The following GRHPR variants were observed in gnomAD, a reference collection of about 807,000 sequenced individuals.
GRHPR encodes glyoxylate and hydroxypyruvate reductase, also known as glyoxylate reductase/hydroxypyruvate reductase.
A neutral mutation model predicts 36.8 loss-of-function variants in GRHPR; 35 were observed. That is an observed-to-expected ratio of 0.95 (90% CI 0.73 to 1.26). The LOEUF (loss-of-function observed/expected upper bound fraction) is 1.26. Ranked by LOEUF, GRHPR falls within the 50% of genes most tolerant of loss-of-function variation. The pLI is 0.00. For missense variants in GRHPR, 380 were observed against 435.0 expected (o/e 0.87, Z 1.12); for synonymous variants, 179 against 181.0 (o/e 0.99, Z 0.09).
At chr9:37,438,785 A>G (rs1206262006), downstream of GRHPR, 1 of 152,258 alleles carries the variant, frequency 6.6e-6, no homozygotes, top group African/African-American at 2.4e-5. Context: ...AGCCACACAC[A>G]CAACTGAATT....
upstream of GRHPR, chr9:37,422,618 G>T: frequency 1.4e-6 from 1 of 739,352 alleles, no homozygotes; most frequent in Non-Finnish European, 2.4e-6. Context: ...GCTCCCTCTC[G>T]CGAAGCCACA....
rs764762587 is a variant in GRHPR at position 37,436,712 on chromosome 9, C to G, written c.917C>G (p.Ser306Cys). The G allele has an allele frequency of 6.2e-7, 1 of 1,614,006 alleles. No homozygotes were observed. The highest frequency in any genetic ancestry group is 8.5e-7 in the Non-Finnish European group (1 of 1,179,900). Residue 306 changes from serine (S) to cysteine (C), a missense_variant, in exon 9 of 9, where the codon TCC becomes TGC. Coordinates refer to ENST00000318158, the MANE Select transcript of GRHPR (RefSeq NM_012203.2). The part of the protein sequence containing the change: ...SATHRTRNTM[S>C]LLAANNLLAG... The stretch of plus-strand genomic sequence containing the variant: ...ACCCACAGAACCCGCAACACCATGT[C>G]CTTGTTGGCAGCTAACAACTTGCTG...
chr9:37,425,941 C>G lies in GRHPR; in HGVS notation c.234C>G (p.Ile78Met). The G allele has an allele frequency of 6.2e-7, 1 of 1,613,508 alleles. No individual in the cohort carries two copies. Among genetic ancestry groups the G allele is most frequent in the Non-Finnish European group, 8.5e-7 (1 of 1,179,408 alleles). ...CAACAGGGGCCAATCTCAAAGTCAT[C>G]AGCACCATGTCTGTGGGCATCGACC... is the stretch of plus-strand genomic sequence containing the variant. ...LDAAGANLKV[I>M]STMSVGIDHL... is the part of the protein sequence containing the mutation. The change falls in exon 3 of 9, where the codon ATC becomes ATG. Residue 78 changes from isoleucine (I) to methionine (M), a missense_variant. Physicochemically the swap from Ile to Met is conservative, Grantham distance 10. Transcript: ENST00000318158.
At chr9:37,437,090 G>A (rs1823708282), downstream of GRHPR, 1 of 376,872 alleles carries the variant, frequency 2.7e-6, no homozygotes, top group South Asian at 2.2e-5. Flanking sequence ...TGAGCGGGAA[G>A]GATCCTTTGA....
intron 5 of GRHPR, 51 bp downstream of exon 5, chr9:37,428,623 T>G: frequency 8.2e-7 from 1 of 1,216,684 alleles, no homozygotes; most frequent in African/African-American, 1.5e-5. Flanking sequence ...CAGCGTGGTT[T>G]GCATCCCTGG....
downstream of GRHPR, among the ~76,000 whole-genome samples, chr9:37,437,628 A>G (rs1273179689): frequency 6.6e-6 from 1 of 151,986 alleles, no homozygotes; most frequent in Admixed American, 6.6e-5. Context: ...TTCAGCACCT[A>G]CACATATTGT....
Position 37,432,039 on chromosome 9 carries a change from C to T in GRHPR, c.766C>T (p.Gln256Ter), listed in dbSNP as rs775530794. The T allele has an allele frequency of 6.2e-7, 1 of 1,614,160 alleles. No homozygotes were observed. The highest frequency in any genetic ancestry group is 1.1e-5 in the South Asian group (1 of 91,078). The change falls in exon 8 of 9, where the codon CAG becomes TAG. Residue 256 changes from glutamine (Q) to a stop codon, truncating the protein, a stop_gained. Transcript: ENST00000318158. LOFTEE classifies it high-confidence loss of function. ...GDVVNQDDLY[Q>*]ALASGKIAAA... ...CGTCGTAAACCAGGACGACCTGTAC[C>T]AGGCCTTGGCCAGTGGTAAGATTGC...
intron 6 of GRHPR, 31 bp downstream of exon 6, chr9:37,429,867 T>C (rs936589520): frequency 6.3e-6 from 8 of 1,263,014 alleles, no homozygotes; most frequent in East Asian, 2.3e-5. Flanking sequence ...CACAGGAGCC[T>C]ATCTGTGCCC....
chr9:37,438,525 T>A (rs1823772921), downstream of GRHPR: 1 of 152,188 alleles, frequency 6.6e-6, no homozygotes. Context: ...AAAAGCAAAG[T>A]CCACTTATGC....
Position 37,425,963 on chromosome 9 carries a change from G to C in GRHPR, c.256G>C (p.Asp86His). 2 of 1,613,650 alleles carry C rather than the reference G, an allele frequency of 1.2e-6. No individual in the cohort carries two copies. The highest frequency in any genetic ancestry group is 1.7e-6 in the Non-Finnish European group (2 of 1,179,532). ...CATCAGCACCATGTCTGTGGGCATC[G>C]ACCACTTGGCTTTGGATGAAATCAA... ...KVISTMSVGI[D>H]HLALDEIKKR... The change falls in exon 3 of 9, where the codon GAC (aspartate) becomes CAC (histidine). Residue 86 changes from aspartate (D) to histidine (H), a missense_variant. Coordinates refer to ENST00000318158, the MANE Select transcript of GRHPR (RefSeq NM_012203.2).
chr9:37,426,130 T>C lies in GRHPR; in HGVS notation c.287+136T>C. Reference sequence around the variant, plus strand: ...GTGAGGTGGCTGATGATAGAATCTGTCCACATGTGCACAGGTCAGTTACAA... The same window carrying C: ...GTGAGGTGGCTGATGATAGAATCTGCCCACATGTGCACAGGTCAGTTACAA... On this transcript the variant is annotated intron_variant, in intron 3 of 8. Transcript: ENST00000318158. 4.2e-6 allele frequency: 3 copies of C among 712,296 alleles called. No homozygotes were observed. The East Asian group carries it at 7.8e-5, about 19-fold the overall frequency. 44.1% of individuals were successfully genotyped at this position (712,296 alleles called of 1,614,324 possible).
Position 37,436,968 on chromosome 9 carries a change from T to TATTA in GRHPR, c.*187_*190dup, listed in dbSNP as rs535077257. The TATTA allele has an allele frequency of 3.3e-4, 199 of 611,052 alleles. No homozygotes were observed. The highest frequency in any genetic ancestry group is 3.1e-3 in the African/African-American group (167 of 54,298). The allele number at this position is 611,052 out of a possible 1,614,324, so 37.9% of individuals were successfully genotyped here. A position where few individuals can be genotyped will look rare whatever the true frequency, so the allele number is the denominator to read the frequency against. On this transcript the variant is annotated 3_prime_UTR_variant, in exon 9 of 9. Transcript: ENST00000318158. ...ATTTGCGCCAAAAGTATGGTAATTC[T>TATTA]ATTATTAAATAATTCTCTGAGAGAC...
At chr9:37,434,257 A>T in intron 8 of GRHPR, 1 of 418,826 alleles carries the variant, frequency 2.4e-6, no homozygotes, top group Non-Finnish European at 4.2e-6. Context: ...AACACAGCTG[A>T]TGACCCCAGT....
At chr9:37,436,519 T>C in intron 8 of GRHPR, 142 bp from the exon 9 acceptor site, 2 of 879,516 alleles carry the variant, frequency 2.3e-6, no homozygotes, top group Non-Finnish European at 3.8e-6. Context: ...TTAGTGAAGG[T>C]GGGAGAGAAG....
At position 37,430,850 on chromosome 9, in the gene GRHPR, C is replaced by T. The variant is rs577461745; in HGVS notation, c.734+204C>T. The T allele has an allele frequency of 2.0e-4, 133 of 675,448 alleles. 1 individual carries two copies. Among genetic ancestry groups the T allele is most frequent in the Non-Finnish European group, 8.3e-5 (30 of 360,076 alleles). The allele number at this position is 675,448 out of a possible 1,614,324, so 41.8% of individuals were successfully genotyped here. A position where few individuals can be genotyped will look rare whatever the true frequency, so the allele number is the denominator to read the frequency against. On this transcript the variant is annotated intron_variant, in intron 7 of 8. Transcript: ENST00000318158. ...GAAGAGCCGTCAGAGTGGGCCTGGC[C>T]TGTCTGCTTCTCAGCAGTGGCCCCC...
At chr9:37,434,528 T>C (rs1167525896) in intron 8 of GRHPR, 8 of 398,498 alleles carry the variant, frequency 2.0e-5, no homozygotes, top group Non-Finnish European at 4.7e-6. Flanking sequence ...GCAGAACATG[T>C]AGAAGTAGCA....
chr9:37,422,760 G>A lies in GRHPR; in HGVS notation c.10G>A (p.Val4Met). The change falls in exon 1 of 9, where the codon GTG becomes ATG. Residue 4 changes from valine (V) to methionine (M), a missense_variant. Transcript: ENST00000318158. Reference protein sequence around the residue: MRPVRLMKVFVTRR... With the variant: MRPMRLMKVFVTRR... ...GGCGGCTGCACTGCGGATGAGACCG[G>A]TGCGACTCATGAAGGTGTTCGTCAC... 1 of 1,589,232 alleles carries A rather than the reference G, an allele frequency of 6.3e-7. No individual in the cohort carries two copies. Among genetic ancestry groups the A allele is most frequent in the Non-Finnish European group, 8.6e-7 (1 of 1,169,448 alleles).
Position 37,436,641 on chromosome 9 carries a change from T to G in GRHPR, c.866-20T>G. Reference sequence around the variant, plus strand: ...GAACCACCCTTCTTATCTCCCTCTCTCTCTCTCTCTCCTTTCCAGTGATTC... The same window carrying G: ...GAACCACCCTTCTTATCTCCCTCTCGCTCTCTCTCTCCTTTCCAGTGATTC... On this transcript the variant is annotated intron_variant, in intron 8 of 8. Transcript: ENST00000318158. The G allele has an allele frequency of 6.2e-7, 1 of 1,607,524 alleles. No homozygotes were observed. The highest frequency in any genetic ancestry group is 8.5e-7 in the Non-Finnish European group (1 of 1,177,540).
At position 37,436,729 on chromosome 9, in the gene GRHPR, A is replaced by G. The variant is rs180177324; in HGVS notation, c.934A>G (p.Asn312Asp). 6.2e-7 allele frequency: 1 copy of G among 1,614,022 alleles called. No individual in the cohort carries two copies. Residue 312 changes from asparagine (N) to aspartate (D), a missense_variant, in exon 9 of 9, where the codon AAC (asparagine) becomes GAC (aspartate). Physicochemically the swap from Asn to Asp is conservative, Grantham distance 23 (BLOSUM62 1). Transcript: ENST00000318158. ...CACCATGTCCTTGTTGGCAGCTAACAACTTGCTGGCTGGCCTGAGAGGGGA... is the reference window on the plus strand; with the variant it reads ...CACCATGTCCTTGTTGGCAGCTAACGACTTGCTGGCTGGCCTGAGAGGGGA... ...RNTMSLLAANNLLAGLRGEPM... is the reference protein window; with the variant it reads ...RNTMSLLAANDLLAGLRGEPM...
Sources: allele counts gnomAD v4.1 joint callset (sites outside exome capture counted in the v4.1 genomes callset), GRCh38; gene constraint gnomAD v4.1.1; transcripts MANE v1.5; gene names NCBI Gene and HGNC (gene_info 2026-07-23, HGNC 2026-07-21).